The following LASP1 variants were observed in gnomAD, a reference collection of about 807,000 sequenced individuals.
LASP1 encodes LIM and SH3 protein 1.
In LASP1, 10 loss-of-function variants were observed where a neutral mutation model predicts 38.6. The ratio of observed to expected loss-of-function variants is 0.26; its 90% confidence interval spans 0.16 to 0.44. The LOEUF (loss-of-function observed/expected upper bound fraction) is 0.44, where lower values mean the gene tolerates loss of function less well. Among genes scored for constraint, LASP1 ranks in the 20% least tolerant of loss-of-function variants. The pLI is 1.00. For missense variants in LASP1, 243 were observed against 375.7 expected (o/e 0.65, Z 2.92); for synonymous variants, 132 against 140.8 (o/e 0.94, Z 0.44).
At chr17:38,917,716 TC>T (rs1488369525) in intron 6 of LASP1, among the ~76,000 whole-genome samples, 1 of 151,986 alleles carries the variant, frequency 6.6e-6, no homozygotes, top group Non-Finnish European at 1.5e-5. Flanking sequence ...AGGGTCTTGC[TC>T]TGCTGCCCAG....
intron 2 of LASP1, among the ~76,000 whole-genome samples, chr17:38,889,913 C>G (rs755649829): frequency 3.0e-4 from 46 of 152,190 alleles, no homozygotes; most frequent in Non-Finnish European, 5.4e-4. Flanking sequence ...TTCTCTCTCA[C>G]CACTTCCTCC....
chr17:38,888,954 A>C (rs1914223305), intron 2 of LASP1, among the ~76,000 whole-genome samples: 1 of 152,160 alleles, frequency 6.6e-6, no homozygotes, highest in Admixed American at 6.5e-5. Context: ...TCTGGGCGCA[A>C]ATCTGGATCC....
At chr17:38,894,230 GTGTC>G (rs1914423664) in intron 3 of LASP1, among the ~76,000 whole-genome samples, 1 of 152,188 alleles carries the variant, frequency 6.6e-6, no homozygotes, top group South Asian at 2.1e-4. Flanking sequence ...TGAGCTGGAG[GTGTC>G]TGTATGGCCC....
At chr17:38,873,453 C>T (rs965271146) in intron 1 of LASP1, among the ~76,000 whole-genome samples, 3 of 152,230 alleles carry the variant, frequency 2.0e-5, no homozygotes, top group Admixed American at 6.5e-5. Context: ...TGTGGCTCAT[C>T]TCCCTCTCTT....
intron 2 of LASP1, among the ~76,000 whole-genome samples, chr17:38,886,116 C>T (rs539820302): frequency 6.6e-6 from 1 of 151,688 alleles, no homozygotes; most frequent in East Asian, 1.9e-4. Flanking sequence ...CTCTCACTCG[C>T]TCTCTCACTC....
intron 2 of LASP1, among the ~76,000 whole-genome samples, chr17:38,886,290 G>A (rs901217096): frequency 2.0e-5 from 3 of 151,120 alleles, no homozygotes; most frequent in Non-Finnish European, 4.4e-5. Context: ...AGGGCTGGGG[G>A]CTGGGGACTG....
chr17:38,918,736 C>A lies in LASP1; in HGVS notation c.744C>A (p.Gly248=). ...TGTACGGGACGGTGGAGCGCACCGG[C>A]GACACGGGGATGCTGCCGGCCAACT... The part of the protein sequence containing the change: ...GWMYGTVERT[G]DTGMLPANYV... Residue 248 remains glycine (G), a synonymous_variant, in exon 7 of 7, where the codon GGC becomes GGA. Transcript: ENST00000318008. This position sits in a 1 kb window ranked among gnomAD's most constrained non-coding sequence, Gnocchi z 4.4. The A allele has an allele frequency of 1.2e-6, 2 of 1,614,064 alleles. No homozygotes were observed. The highest frequency in any genetic ancestry group is 1.7e-6 in the Non-Finnish European group (2 of 1,180,008).
At chr17:38,877,939 C>G in intron 1 of LASP1, 147 bp from the exon 2 acceptor site, 1 of 601,860 alleles carries the variant, frequency 1.7e-6, no homozygotes, top group South Asian at 2.2e-5. Flanking sequence ...TGAAATGCCC[C>G]CAGCTCACCT....
Position 38,920,836 on chromosome 17 carries a change from A to G in LASP1, c.*2058A>G, listed in dbSNP as rs1316190937. On this transcript the variant is annotated 3_prime_UTR_variant, in exon 7 of 7. Coordinates refer to ENST00000318008, the MANE Select transcript of LASP1 (RefSeq NM_006148.4). ...TGGGAGTCTTGGGTGGCGCTGGTGC[A>G]TTCTGTTTCCTCTTGATCTCAAAGC... 7 of 232,542 alleles carry G rather than the reference A, an allele frequency of 3.0e-5. No individual in the cohort carries two copies. The highest frequency in any genetic ancestry group is 6.0e-5 in the Non-Finnish European group (7 of 117,468). The allele number at this position is 232,542 out of a possible 1,614,324, so 14.4% of individuals were successfully genotyped here. A position where few individuals can be genotyped will look rare whatever the true frequency, so the allele number is the denominator to read the frequency against.
intron 4 of LASP1, among the ~76,000 whole-genome samples, chr17:38,908,270 CT>C (rs1914827356): frequency 6.6e-6 from 1 of 152,246 alleles, no homozygotes; most frequent in South Asian, 2.1e-4. Flanking sequence ...GGGGCAGGCT[CT>C]TTTCCTTAGC....
chr17:38,914,564 C>T (rs1017581227), intron 5 of LASP1, 89 bp downstream of exon 5: 6 of 1,413,548 alleles, frequency 4.2e-6, no homozygotes, highest in Non-Finnish European at 4.7e-6. Context: ...GACAGATACA[C>T]CTTCCGGAGC....
At chr17:38,908,267 G>C (rs1275423687) in intron 4 of LASP1, among the ~76,000 whole-genome samples, 3 of 152,244 alleles carry the variant, frequency 2.0e-5, no homozygotes, top group African/African-American at 7.2e-5. Flanking sequence ...TCAGGGGCAG[G>C]CTCTTTTCCT....
At chr17:38,889,896 G>A (rs138756203) in intron 2 of LASP1, among the ~76,000 whole-genome samples, 1 of 152,110 alleles carries the variant, frequency 6.6e-6, no homozygotes, top group African/African-American at 2.4e-5. Flanking sequence ...CACTTTAACC[G>A]TGTGTTTTCT....
In LASP1 at chr17:38,920,134, G is replaced by A; in HGVS notation, c.*1356G>A. ...GTGCAGGGTGGAAGGTAAGAGGTTGGTGTGGAGTTGGGGCTGCCATAGGGT... is the reference window on the plus strand; with the variant it reads ...GTGCAGGGTGGAAGGTAAGAGGTTGATGTGGAGTTGGGGCTGCCATAGGGT... On this transcript the variant is annotated 3_prime_UTR_variant, in exon 7 of 7. Transcript: ENST00000318008. 1.9e-6 allele frequency: 1 copy of A among 536,434 alleles called. No individual in the cohort carries two copies. The highest frequency in any genetic ancestry group is 1.5e-5 in the South Asian group (1 of 65,256). The allele number at this position is 536,434 out of a possible 1,614,324, so 33.2% of individuals were successfully genotyped here.
chr17:38,921,691 T>A lies in LASP1; in HGVS notation c.*2913T>A, dbSNP rs1031616645. The A allele has an allele frequency of 4.3e-6, 1 of 230,960 alleles. No individual in the cohort carries two copies. Among genetic ancestry groups the A allele is most frequent in the African/African-American group, 2.2e-5 (1 of 45,218 alleles). 14.3% of individuals were successfully genotyped at this position (230,960 alleles called of 1,614,324 possible). On this transcript the variant is annotated 3_prime_UTR_variant, in exon 7 of 7. Coordinates refer to ENST00000318008, the MANE Select transcript of LASP1 (RefSeq NM_006148.4). ...GGGATCAAACCTTTCTGGCCTGTTA[T>A]GATTCTGAACATTTGACTTGAACCA...
intron 1 of LASP1, among the ~76,000 whole-genome samples, chr17:38,877,716 G>A (rs1394913303): frequency 6.6e-6 from 1 of 152,174 alleles, no homozygotes; most frequent in East Asian, 1.9e-4. Context: ...GCAACCCAGC[G>A]CAGCTTTGCA....
chr17:38,898,615 G>C (rs556876833), intron 4 of LASP1, 96 bp downstream of exon 4: 1 of 921,366 alleles, frequency 1.1e-6, no homozygotes, highest in East Asian at 2.7e-5. Context: ...ATGTGAATGA[G>C]GCCAGTGCCT....
intron 3 of LASP1, among the ~76,000 whole-genome samples, chr17:38,897,230 A>G (rs1051537330): frequency 6.6e-6 from 1 of 152,220 alleles, no homozygotes; most frequent in Non-Finnish European, 1.5e-5. Context: ...GGAGACAAAC[A>G]AGGACTCTGA....
In LASP1 at chr17:38,917,901, G is replaced by A. The variant is rs78175038; in HGVS notation, c.613-704G>A. Among the ~76,000 whole-genome samples, 1,207 of 152,100 alleles carry A rather than the reference G, an allele frequency of 7.9e-3. 13 individuals are homozygous for A. The highest frequency in any genetic ancestry group is 0.028 in the African/African-American group (1,147 of 41,484). The stretch of plus-strand genomic sequence containing the variant: ...ATGGGCTCACGCTAGTACTTTGGGA[G>A]GCCGAGGCGAGCGGATCACTTGAGA... On this transcript the variant is annotated intron_variant, in intron 6 of 6. Coordinates refer to ENST00000318008, the MANE Select transcript of LASP1 (RefSeq NM_006148.4).
Sources: allele counts gnomAD v4.1 joint callset (sites outside exome capture counted in the v4.1 genomes callset), GRCh38; gene constraint gnomAD v4.1.1; non-coding constraint Gnocchi (gnomAD v3.1); transcripts MANE v1.5; gene names NCBI Gene and HGNC (gene_info 2026-07-23, HGNC 2026-07-21).